Variants in TRERF1 observed in about 807,000 individuals in gnomAD.
The protein encoded by TRERF1 is transcriptional regulating factor 1, also known as transcriptional-regulating factor 1.
In TRERF1, 27 loss-of-function variants were observed where a neutral mutation model predicts 122.9. The observed-to-expected ratio is 0.22, with a 90% CI of 0.16 to 0.30. The LOEUF is 0.30. Ranked by LOEUF, TRERF1 falls within the 10% of genes least tolerant of loss-of-function variation. The probability of loss-of-function intolerance (pLI) is 1.00; values close to 1 mark genes in which losing one functional copy is unlikely to be tolerated. For missense variants in TRERF1, 1,248 were observed against 1,560.3 expected (o/e 0.80, Z 3.37); for synonymous variants, 636 against 641.7 (o/e 0.99, Z 0.13).
chr6:42,288,027 C>T (rs913872151), intron 4 of TRERF1, among the ~76,000 whole-genome samples: 1 of 151,904 alleles, frequency 6.6e-6, no homozygotes, highest in East Asian at 1.9e-4. Flanking sequence ...GCTCTTTTTC[C>T]CATTCTCCAC....
intron 3 of TRERF1, among the ~76,000 whole-genome samples, chr6:42,325,993 T>C (rs866928605): frequency 8.5e-5 from 13 of 152,102 alleles, no homozygotes; most frequent in Middle Eastern, 6.3e-3. Flanking sequence ...CGGGTACACA[T>C]GGATGAGAAC....
At chr6:42,436,984 A>G (rs1034263022) in intron 2 of TRERF1, among the ~76,000 whole-genome samples, 12 of 152,016 alleles carry the variant, frequency 7.9e-5, no homozygotes, top group African/African-American at 2.9e-4. Context: ...TCTGACCAGG[A>G]AAGGCTGATG....
chr6:42,425,872 G>A (rs1783574552), intron 2 of TRERF1, among the ~76,000 whole-genome samples: 1 of 151,906 alleles, frequency 6.6e-6, no homozygotes, highest in Non-Finnish European at 1.5e-5. Flanking sequence ...TCTCTGCATG[G>A]GGCTGCTTTT....
chr6:42,346,384 G>T (rs937493045), intron 3 of TRERF1, among the ~76,000 whole-genome samples: 1 of 152,218 alleles, frequency 6.6e-6, no homozygotes, highest in Admixed American at 6.5e-5. Context: ...GAAGGCAGAT[G>T]AATTCTAACT....
intron 2 of TRERF1, among the ~76,000 whole-genome samples, chr6:42,434,120 G>GA (rs1462666895): frequency 1.3e-5 from 2 of 152,048 alleles, no homozygotes; most frequent in East Asian, 3.9e-4. Context: ...TGGGTCAGTA[G>GA]AAAAAAATAC....
At chr6:42,446,710 C>A (rs1562228550) in intron 2 of TRERF1, among the ~76,000 whole-genome samples, 1 of 152,064 alleles carries the variant, frequency 6.6e-6, no homozygotes, top group African/African-American at 2.4e-5. Flanking sequence ...TTAAAAAAAC[C>A]CTCGTTCCGC....
At chr6:42,281,293 T>C (rs957498815) in intron 4 of TRERF1, among the ~76,000 whole-genome samples, 2 of 151,746 alleles carry the variant, frequency 1.3e-5, no homozygotes, top group East Asian at 1.9e-4. Context: ...GCAGGGAGAG[T>C]GTGAGGACCA....
chr6:42,390,204 A>C (rs1347136543), intron 2 of TRERF1, among the ~76,000 whole-genome samples: 1 of 152,236 alleles, frequency 6.6e-6, no homozygotes, highest in Non-Finnish European at 1.5e-5. Context: ...TACAAGAGGC[A>C]CAATTTAAAT....
rs70987587 is a variant in TRERF1 at position 42,277,905 on chromosome 6, G to GGAAGAAGAAGAAGAA, written c.-258-8072_-258-8058dup. On this transcript the variant is annotated intron_variant, in intron 4 of 17. Coordinates refer to ENST00000372922, the Ensembl canonical transcript of TRERF1. ...AGAAGGAAGAAGGAAGAAGGAAGAA[G>GGAAGAAGAAGAAGAA]GAAGAAGAAGAAGAAGAAGAAGAAG... is the stretch of plus-strand genomic sequence containing the variant. 9.2e-3 allele frequency among the ~76,000 whole-genome samples: 783 copies of GGAAGAAGAAGAAGAA among 85,056 alleles called. 12 individuals carry two copies. The highest frequency in any genetic ancestry group is 0.02 in the East Asian group (57 of 2,860). 55.8% of individuals were successfully genotyped at this position (85,056 alleles called of 152,430 possible). A position where few individuals can be genotyped will look rare whatever the true frequency, so the allele number is the denominator to read the frequency against.
intron 2 of TRERF1, among the ~76,000 whole-genome samples, chr6:42,379,118 TCA>T (rs1491470857): frequency 2.2e-4 from 33 of 151,962 alleles, no homozygotes; most frequent in African/African-American, 7.7e-4. Context: ...AGGGCTTGTC[TCA>T]AAAAAAAATT....
At chr6:42,230,520 A>C (rs1231695624) in intron 17 of TRERF1, among the ~76,000 whole-genome samples, 3 of 152,076 alleles carry the variant, frequency 2.0e-5, no homozygotes, top group African/African-American at 4.8e-5. Context: ...TCTGGGGGAA[A>C]ACTGGCAAGA....
intron 2 of TRERF1, among the ~76,000 whole-genome samples, chr6:42,376,466 T>C (rs2151092154): frequency 6.6e-6 from 1 of 151,034 alleles, no homozygotes; most frequent in East Asian, 1.9e-4. Flanking sequence ...GCTCCTGTGC[T>C]GAATCAACAC....
intron 3 of TRERF1, among the ~76,000 whole-genome samples, chr6:42,319,901 T>A (rs568873418): frequency 6.6e-6 from 1 of 151,712 alleles, no homozygotes; most frequent in African/African-American, 2.4e-5. Context: ...CATTATTATT[T>A]TTTGTTTGTT....
chr6:42,380,255 G>A (rs571677023), intron 2 of TRERF1, among the ~76,000 whole-genome samples: 51 of 152,272 alleles, frequency 3.3e-4, no homozygotes, highest in African/African-American at 1.2e-3. Flanking sequence ...AGGGCAGACA[G>A]GCCCTGAGGC....
chr6:42,313,412 C>T (rs775425986), intron 3 of TRERF1, among the ~76,000 whole-genome samples: 3 of 152,194 alleles, frequency 2.0e-5, no homozygotes, highest in Non-Finnish European at 4.4e-5. Flanking sequence ...AACTCAATTG[C>T]TAAGCCTCAT....
In TRERF1 at chr6:42,268,232, G is replaced by C; in HGVS notation, c.1359C>G (p.Leu453=). ...TGAGGTGGATCCCACTGGGGGATAGGAGGGGGCGATGGGGGAGGGTGCTGC... is the reference window on the plus strand; with the variant it reads ...TGAGGTGGATCCCACTGGGGGATAGCAGGGGGCGATGGGGGAGGGTGCTGC... The change falls in exon 5 of 18, where the codon CTC becomes CTG. Residue 453 remains leucine, a synonymous_variant. Transcript: ENST00000372922. The surrounding 1 kb of genome is among the most constrained non-coding windows in gnomAD (Gnocchi z 4.4). 6.7e-7 allele frequency: 1 copy of C among 1,496,964 alleles called. No individual in the cohort carries two copies. The highest frequency in any genetic ancestry group is 1.4e-5 in the African/African-American group (1 of 71,434). 92.7% of individuals were successfully genotyped at this position (1,496,964 alleles called of 1,614,324 possible).
At chr6:42,412,995 T>C (rs1781330897) in intron 2 of TRERF1, among the ~76,000 whole-genome samples, 1 of 151,954 alleles carries the variant, frequency 6.6e-6, no homozygotes, top group South Asian at 2.1e-4. Flanking sequence ...CTCAGCTAAA[T>C]CAGTGGAGGC....
chr6:42,369,427 G>C (rs972380147), intron 2 of TRERF1, among the ~76,000 whole-genome samples: 2 of 152,152 alleles, frequency 1.3e-5, no homozygotes, highest in Non-Finnish European at 2.9e-5. Flanking sequence ...CTGGGCAACA[G>C]AGCGAGACTC....
chr6:42,359,150 G>A (rs1406024650), intron 3 of TRERF1, among the ~76,000 whole-genome samples: 6 of 152,192 alleles, frequency 3.9e-5, no homozygotes, highest in Non-Finnish European at 8.8e-5. Context: ...TCTCCGCACC[G>A]TTAATCTGGG....
Sources: gnomAD v4.1 joint callset for allele counts (sites outside exome capture counted in the v4.1 genomes callset) on GRCh38, gnomAD v4.1.1 for gene constraint, Gnocchi (gnomAD v3.1) non-coding constraint, MANE v1.5 for transcripts, NCBI Gene and HGNC (gene_info 2026-07-23, HGNC 2026-07-21) for gene names.